PPP2R2C: variants seen among roughly 807,000 people sequenced by gnomAD.
PPP2R2C encodes the protein protein phosphatase 2, regulatory subunit B, gamma.
Under a neutral mutation model 45.3 loss-of-function variants are expected in PPP2R2C, and 10 were observed. That is an observed-to-expected ratio of 0.22 (90% CI 0.14 to 0.37). The LOEUF (loss-of-function observed/expected upper bound fraction) is 0.37. Among genes scored for constraint, PPP2R2C ranks in the 10% least tolerant of loss-of-function variants. The probability of loss-of-function intolerance (pLI) is 1.00; values close to 1 mark genes in which losing one functional copy is unlikely to be tolerated. For missense variants in PPP2R2C, 308 were observed against 619.7 expected, an observed-to-expected ratio of 0.50 and a Z score of 5.34; for synonymous variants, 257 against 245.4, an observed-to-expected ratio of 1.05 and a Z score of -0.44.
At chr4:6,421,047 C>A in intron 1 of PPP2R2C, 6 of 985,156 alleles carry the variant, frequency 6.1e-6, no homozygotes, top group Non-Finnish European at 7.2e-6. Context: ...TTGTGTGCAC[C>A]CTTCTTCCTA....
At chr4:6,405,627 T>C (rs1489407060) in intron 1 of PPP2R2C, among the ~76,000 whole-genome samples, 2 of 152,046 alleles carry the variant, frequency 1.3e-5, no homozygotes, top group Non-Finnish European at 2.9e-5. Flanking sequence ...TGGGGAGTGA[T>C]TAGATGGAGG....
chr4:6,361,542 A>C (rs1322073814), intron 5 of PPP2R2C, among the ~76,000 whole-genome samples: 1 of 152,232 alleles, frequency 6.6e-6, no homozygotes, highest in Non-Finnish European at 1.5e-5. Context: ...TCACCAGATG[A>C]CATATGTCAA....
rs562755804 is a variant in PPP2R2C at position 6,375,747 on chromosome 4, G to C, written c.447+72C>G. On this transcript the variant is annotated intron_variant, in intron 4 of 8. Coordinates refer to ENST00000382599, the MANE Select transcript of PPP2R2C (RefSeq NM_020416.4). ...ACCTGACTCTGGCTCAAATCTCAAA[G>C]GCTTTTCCAGCCCTAAAATCCTCAG... The C allele has an allele frequency of 2.3e-6, 3 of 1,307,064 alleles. No individual in the cohort carries two copies. In the East Asian group the frequency reaches 7.1e-5, roughly 31 times the overall value. 81.0% of individuals were successfully genotyped at this position (1,307,064 alleles called of 1,614,324 possible). A position where few individuals can be genotyped will look rare whatever the true frequency, so the allele number is the denominator to read the frequency against.
rs149346447 is a variant in PPP2R2C at position 6,526,709 on chromosome 4, C to A, written c.49+8562G>T. ...GAGAATCCGGGGGCTGGTCTTTGGGCTCCAGCGACCCAATTGGAGGAAGAA... is the reference window on the plus strand; with the variant it reads ...GAGAATCCGGGGGCTGGTCTTTGGGATCCAGCGACCCAATTGGAGGAAGAA... On this transcript the variant is annotated intron_variant, in intron 2 of 9. Transcript: ENST00000506140. Among the ~76,000 whole-genome samples, 927 of 152,258 alleles carry A rather than the reference C, an allele frequency of 6.1e-3. 7 individuals are homozygous for A. The highest frequency in any genetic ancestry group is 0.021 in the African/African-American group (885 of 41,542).
intron 1 of PPP2R2C, among the ~76,000 whole-genome samples, chr4:6,422,038 T>C (rs965288028): frequency 7.0e-6 from 1 of 142,494 alleles, no homozygotes; most frequent in Admixed American, 7.3e-5. Context: ...TGCAGCCGGA[T>C]GGCACATTGG....
At chr4:6,499,772 A>T (rs1722988670) in intron 2 of PPP2R2C, among the ~76,000 whole-genome samples, 1 of 151,602 alleles carries the variant, frequency 6.6e-6, no homozygotes, top group Non-Finnish European at 1.5e-5. Context: ...CATAAAAAAA[A>T]AAAAAACAAC....
intron 6 of PPP2R2C, among the ~76,000 whole-genome samples, chr4:6,340,851 C>T (rs75749885): frequency 0.046 from 6,963 of 152,362 alleles, 539 homozygotes; most frequent in African/African-American, 0.16. Flanking sequence ...CAGCCACACA[C>T]CTCTCTGACC....
chr4:6,450,180 G>C (rs1461087377), intron 1 of PPP2R2C, among the ~76,000 whole-genome samples: 6 of 151,920 alleles, frequency 3.9e-5, no homozygotes, highest in Non-Finnish European at 5.9e-5. Flanking sequence ...CCCTCGGCAA[G>C]AAGCCTGGCC....
intron 2 of PPP2R2C, among the ~76,000 whole-genome samples, chr4:6,485,501 A>G (rs1722502766): frequency 6.6e-6 from 1 of 151,822 alleles, no homozygotes; most frequent in East Asian, 1.9e-4. Flanking sequence ...CTGGGCCTGG[A>G]GTTTTCTTTG....
intron 1 of PPP2R2C, among the ~76,000 whole-genome samples, chr4:6,454,193 C>A (rs959502630): frequency 2.0e-5 from 3 of 152,146 alleles, no homozygotes; most frequent in Non-Finnish European, 2.9e-5. Flanking sequence ...CTGCCCAGGG[C>A]GTCTGTGGCA....
chr4:6,441,095 G>A (rs529503634), intron 1 of PPP2R2C, among the ~76,000 whole-genome samples: 57 of 152,236 alleles, frequency 3.7e-4, no homozygotes, highest in Admixed American at 1.8e-3. Context: ...GAGGACATGA[G>A]TTTCCAGTAA....
intron 6 of PPP2R2C, 91 bp downstream of exon 6, chr4:6,347,755 A>G: frequency 2.1e-6 from 3 of 1,438,570 alleles, no homozygotes; most frequent in Non-Finnish European, 2.8e-6. Flanking sequence ...TCCCACACCC[A>G]CCACCCCTGC....
In PPP2R2C at chr4:6,336,056, C is replaced by T. The variant is rs553318745; in HGVS notation, c.791-2325G>A. Among the ~76,000 whole-genome samples, 159 of 152,172 alleles carry T rather than the reference C, an allele frequency of 1.0e-3. 1 individual carries two copies. The highest frequency in any genetic ancestry group is 3.4e-3 in the Middle Eastern group (1 of 294). The stretch of plus-strand genomic sequence containing the variant: ...AGGTGGTCGCTCCTTCCAGTCCTGG[C>T]GTCAAGATCAGGAAGGAGGGAGGGA... On this transcript the variant is annotated intron_variant, in intron 6 of 8. Coordinates refer to ENST00000382599, the MANE Select transcript of PPP2R2C (RefSeq NM_020416.4).
upstream of PPP2R2C, among the ~76,000 whole-genome samples, chr4:6,475,943 T>G (rs1255795943): frequency 1.3e-5 from 2 of 152,044 alleles, no homozygotes; most frequent in African/African-American, 4.8e-5. Context: ...TTAGTGCCCC[T>G]ATAGGAAGAG....
chr4:6,358,895 T>TG (rs1308225856), intron 5 of PPP2R2C, among the ~76,000 whole-genome samples: 7 of 152,220 alleles, frequency 4.6e-5, no homozygotes, highest in Non-Finnish European at 1.0e-4. Context: ...ACACTGTTGG[T>TG]GGGACTATAA....
At chr4:6,337,112 G>GTACA (rs1733019608) in intron 6 of PPP2R2C, among the ~76,000 whole-genome samples, 1 of 30,104 alleles carries the variant, frequency 3.3e-5, no homozygotes, top group Non-Finnish European at 6.4e-5. Flanking sequence ...ATGTGTGTGT[G>GTACA]TATATATATA....
chr4:6,367,836 C>T (rs1236587876), intron 5 of PPP2R2C, among the ~76,000 whole-genome samples: 2 of 152,174 alleles, frequency 1.3e-5, no homozygotes, highest in Admixed American at 1.3e-4. Flanking sequence ...TAGATCCAAT[C>T]GGGGAGGTTT....
At chr4:6,396,430 T>C (rs941382853) in intron 1 of PPP2R2C, among the ~76,000 whole-genome samples, 4 of 152,178 alleles carry the variant, frequency 2.6e-5, no homozygotes, top group African/African-American at 7.2e-5. Context: ...CTGACGGAGA[T>C]AGGCAGGTCT....
chr4:6,536,379 A>G (rs1465011969), intron 1 of PPP2R2C, among the ~76,000 whole-genome samples: 1 of 152,254 alleles, frequency 6.6e-6, no homozygotes, highest in Non-Finnish European at 1.5e-5. Flanking sequence ...AAAGCTCTGC[A>G]GAAAAGTGAG....
Sources: allele counts gnomAD v4.1 joint callset (sites outside exome capture counted in the v4.1 genomes callset), GRCh38; gene constraint gnomAD v4.1.1; transcripts MANE v1.5; gene names NCBI Gene and HGNC (gene_info 2026-07-23, HGNC 2026-07-21).